Variants in DDX3X observed in about 807,000 individuals in gnomAD.
DDX3X encodes the protein DEAD-box helicase 3 X-linked, also known as ATP-dependent RNA helicase DDX3X.
A neutral mutation model predicts 52.7 loss-of-function variants in DDX3X; 4 were observed. That is an observed-to-expected ratio of 0.08 (90% confidence interval 0.04 to 0.17). DDX3X has a LOEUF of 0.17. DDX3X is among the 10% of genes least tolerant of loss of function. The probability of loss-of-function intolerance (pLI) is 1.00; values close to 1 mark genes in which losing one functional copy is unlikely to be tolerated. For synonymous variants in DDX3X, 192 were observed against 178.1 expected (o/e 1.08, Z -0.62); for missense variants, 222 against 548.6 (o/e 0.40, Z 5.95).
intron 3 of DDX3X, chrX:41,340,016 C>T (rs1217696413): frequency 9.6e-6 from 1 of 103,836 alleles, no homozygotes; most frequent in Non-Finnish European, 1.9e-5. Flanking sequence ...TCAAGTGATT[C>T]TCCTGCCTCA....
chrX:41,364,397 C>T (rs1948649202), exon 6 of DDX3X: 4 of 295,106 alleles, frequency 1.4e-5, no homozygotes, highest in Non-Finnish European at 2.4e-5. Context: ...TGGTGACACC[C>T]GTGCCCAGCC....
downstream of DDX3X, among the ~76,000 whole-genome samples, chrX:41,354,344 C>CTTTTTTTTTTTTTTTTT (rs60965317): frequency 3.7e-4 from 26 of 69,941 alleles, 2 homozygotes; most frequent in African/African-American, 5.7e-4. Context: ...TGTGCTACCT[C>CTTTTTTTTTTTTTTTTT]TTTTTTTTTT....
chrX:41,334,612 T>TA, intron 1 of DDX3X: 1 of 1,089,364 alleles, frequency 9.2e-7, no homozygotes, highest in Non-Finnish European at 1.2e-6. Context: ...TCCCGACTGA[T>TA]TAGTGACCTG....
At position 41,334,227 on chromosome X, in the gene DDX3X, C is replaced by T. The variant is rs1655921920; in HGVS notation, c.-26C>T. The T allele has an allele frequency of 8.3e-7, 1 of 1,201,723 alleles. No homozygotes were observed. ...CAAACACTCGCTTAGCAGCGGAAGA[C>T]TCCGAGTTCTCGGTACTCTTCAGGG... On this transcript the variant is annotated 5_prime_UTR_variant, in exon 1 of 17. Transcript: ENST00000644876.
chrX:41,350,416 A>G (rs145580974), downstream of DDX3X: 1 of 112,315 alleles, frequency 8.9e-6, no homozygotes, highest in East Asian at 2.8e-4. Flanking sequence ...GGATTTTTGT[A>G]ATAGACGGAA....
Position 41,334,178 on chromosome X carries a change from C to T in DDX3X, c.-75C>T, listed in dbSNP as rs1569230053. On this transcript the variant is annotated 5_prime_UTR_variant, in exon 1 of 17. Coordinates refer to ENST00000644876, the MANE Select transcript of DDX3X (RefSeq NM_001356.5). ...GTGCGCTCCAGAGCCGCAGTTCTCC[C>T]GTGAGAGGGCCTTCGCGGTGGAACA... is the stretch of plus-strand genomic sequence containing the variant. 5 of 1,074,535 alleles carry T rather than the reference C, an allele frequency of 4.7e-6. No individual in the cohort carries two copies. Among genetic ancestry groups the T allele is most frequent in the Non-Finnish European group, 6.4e-6 (5 of 782,505 alleles). The allele number at this position is 1,074,535 out of a possible 1,213,427, so 88.6% of individuals were successfully genotyped here. A position where few individuals can be genotyped will look rare whatever the true frequency, so the allele number is the denominator to read the frequency against.
At chrX:41,359,938 C>T (rs904718870) in intron 5 of DDX3X, among the ~76,000 whole-genome samples, 107 of 105,146 alleles carry the variant, frequency 1.0e-3, no homozygotes, top group Non-Finnish European at 1.9e-3. Flanking sequence ...GCCGAGATCG[C>T]GCCACTGCAC....
At chrX:41,342,711 T>C (rs2147350760) in intron 5 of DDX3X, 26 bp from the exon 6 acceptor site, 9 of 1,208,750 alleles carry the variant, frequency 7.4e-6, no homozygotes, top group Non-Finnish European at 1.0e-5. Flanking sequence ...GTATAACAAA[T>C]GAACTTATCC....
Position 41,347,090 on chromosome X carries a change from T to A in DDX3X, c.1769+78T>A. The A allele has an allele frequency of 2.9e-6, 3 of 1,052,158 alleles. No homozygotes were observed. The East Asian group carries it at 9.1e-5, about 32-fold the overall frequency. 86.7% of individuals were successfully genotyped at this position (1,052,158 alleles called of 1,213,427 possible). A position where few individuals can be genotyped will look rare whatever the true frequency, so the allele number is the denominator to read the frequency against. ...TAGTGTTTCCTCTGCATGCATAACG[T>A]CCAAGGTTAACTGTACAGTATTTAA... On this transcript the variant is annotated intron_variant, in intron 15 of 16. Transcript: ENST00000644876.
At chrX:41,350,317 T>TAA (rs1387694232), downstream of DDX3X, 3 of 112,630 alleles carry the variant, frequency 2.7e-5, no homozygotes, top group Non-Finnish European at 5.6e-5. Flanking sequence ...TGCTATTTTT[T>TAA]GAGATGCCTC....
chrX:41,351,002 A>C (rs1388718231), downstream of DDX3X: 1 of 112,192 alleles, frequency 8.9e-6, no homozygotes, highest in Non-Finnish European at 1.9e-5. Context: ...ACTCAAAATA[A>C]GCATAAGTTT....
chrX:41,343,204 A>C lies in DDX3X; in HGVS notation c.544-12A>C, dbSNP rs767609622. The C allele has an allele frequency of 5.8e-6, 7 of 1,203,102 alleles. No individual in the cohort carries two copies. Among genetic ancestry groups the C allele is most frequent in the Non-Finnish European group, 7.8e-6 (7 of 892,907 alleles). On this transcript the variant is annotated splice_polypyrimidine_tract_variant and intron_variant, in intron 6 of 16. Coordinates refer to ENST00000644876, the MANE Select transcript of DDX3X (RefSeq NM_001356.5). Reference sequence around the variant, plus strand: ...TAGATAGCATTCCTAACCCCATTGAATTTCTTAACAGTTCAGTGATGTTGA... The same window carrying C: ...TAGATAGCATTCCTAACCCCATTGACTTTCTTAACAGTTCAGTGATGTTGA...
At position 41,344,043 on chromosome X, in the gene DDX3X, A is replaced by G. The variant is rs763958253; in HGVS notation, c.779A>G (p.Tyr260Cys). 8.3e-7 allele frequency: 1 copy of G among 1,204,020 alleles called. No homozygotes were observed. Among genetic ancestry groups the G allele is most frequent in the African/African-American group, 1.8e-5 (1 of 56,821 alleles). Residue 260 changes from tyrosine to cysteine, a missense_variant, in exon 9 of 17, where the codon TAT (tyrosine) becomes TGT (cysteine). Around this residue, in one of 5 missense-constraint regions of DDX3X, gnomAD observed 73 missense variants for 301.4 expected, o/e 0.24. Transcript: ENST00000644876. ...ALRAMKENGR[Y>C]GRRKQYPISL... Reference sequence around the variant, plus strand: ...CTTATTTCTTAGGAAAATGGAAGGTATGGGCGCCGCAAACAATACCCAATC... The same window carrying G: ...CTTATTTCTTAGGAAAATGGAAGGTGTGGGCGCCGCAAACAATACCCAATC...
chrX:41,362,375 C>T (rs1435077422), intron 5 of DDX3X, among the ~76,000 whole-genome samples: 1 of 111,388 alleles, frequency 9.0e-6, no homozygotes, highest in African/African-American at 3.3e-5. Flanking sequence ...AGATGTGAGC[C>T]ACAATGCCCA....
intron 2 of DDX3X, chrX:41,338,345 T>A (rs762166634): frequency 1.8e-5 from 2 of 112,223 alleles, no homozygotes; most frequent in Non-Finnish European, 3.8e-5. Context: ...AAGAATCTTT[T>A]AGGAACTGAT....
At chrX:41,358,779 A>G (rs1415341553) in intron 5 of DDX3X, among the ~76,000 whole-genome samples, 1 of 110,176 alleles carries the variant, frequency 9.1e-6, no homozygotes, top group East Asian at 2.8e-4. Context: ...ATTTTTTGAG[A>G]TGGAGTTTCA....
Position 41,349,824 on chromosome X carries a change from A to G in DDX3X, c.*2105A>G, listed in dbSNP as rs986879731. On this transcript the variant is annotated 3_prime_UTR_variant, in exon 17 of 17. Coordinates refer to ENST00000644876, the MANE Select transcript of DDX3X (RefSeq NM_001356.5). Reference sequence around the variant, plus strand: ...TTGATACACTTGTCTTAAGATATTAATGAAACACTTCAAAACACTGATGTG... The same window carrying G: ...TTGATACACTTGTCTTAAGATATTAGTGAAACACTTCAAAACACTGATGTG... 4.5e-5 allele frequency: 5 copies of G among 111,459 alleles called. No homozygotes were observed. The highest frequency in any genetic ancestry group is 1.3e-4 in the African/African-American group (4 of 30,632). The allele number at this position is 111,459 out of a possible 1,213,427, so 9.2% of individuals were successfully genotyped here.
rs763196503 is a variant in DDX3X at position 41,343,717 on chromosome X, G to A, written c.680-20G>A. The A allele has an allele frequency of 8.4e-6, 10 of 1,183,729 alleles. No homozygotes were observed. The African/African-American group carries it at 1.8e-4, about 21-fold the overall frequency. On this transcript the variant is annotated intron_variant, in intron 7 of 16. Coordinates refer to ENST00000644876, the MANE Select transcript of DDX3X (RefSeq NM_001356.5). ...TGTTTAAAAGTAATGAGCAGGATTTGTTTGTTTGTTTTTGAACAGGGTCTG... is the reference window on the plus strand; with the variant it reads ...TGTTTAAAAGTAATGAGCAGGATTTATTTGTTTGTTTTTGAACAGGGTCTG...
Position 41,346,887 on chromosome X carries a change from G to A in DDX3X, c.1644G>A (p.Arg548=), listed in dbSNP as rs1303918534. Residue 548 remains arginine (R), a synonymous_variant, in exon 15 of 17, where the codon AGG becomes AGA. Transcript: ENST00000644876. ...LGLATSFFNE[R]NINITKDLLD... ...TGGCAACCTCATTCTTTAACGAGAGGAACATAAATATTACTAAGGATTTGT... is the reference window on the plus strand; with the variant it reads ...TGGCAACCTCATTCTTTAACGAGAGAAACATAAATATTACTAAGGATTTGT... The A allele has an allele frequency of 9.1e-6, 11 of 1,210,114 alleles. No individual in the cohort carries two copies. The highest frequency in any genetic ancestry group is 1.2e-5 in the Non-Finnish European group (11 of 894,472).
Sources: gnomAD v4.1 joint callset for allele counts (sites outside exome capture counted in the v4.1 genomes callset) on GRCh38, gnomAD v4.1.1 for gene constraint, gnomAD v4.1.1 regional missense constraint, MANE v1.5 for transcripts, NCBI Gene and HGNC (gene_info 2026-07-23, HGNC 2026-07-21) for gene names.